ARHGAP39: variants seen among roughly 807,000 people sequenced by gnomAD.
The protein encoded by ARHGAP39 is Rho GTPase activating protein 39, also known as rho GTPase-activating protein 39.
ARHGAP39 carries 44 observed loss-of-function variants against 106.9 expected under a neutral mutation model. The ratio of observed to expected loss-of-function variants is 0.41; its 90% CI spans 0.32 to 0.53. The LOEUF (loss-of-function observed/expected upper bound fraction) is 0.53, where lower values mean the gene tolerates loss of function less well. Among genes scored for constraint, ARHGAP39 ranks in the 20% least tolerant of loss-of-function variants. ARHGAP39 has a pLI of 0.21. For missense variants in ARHGAP39, 1,496 were observed against 1,577.3 expected, an observed-to-expected ratio of 0.95 and a Z score of 0.87; for synonymous variants, 768 against 693.2, an observed-to-expected ratio of 1.11 and a Z score of -1.69.
chr8:144,635,544 G>GA (rs1002795612), intron 1 of ARHGAP39, among the ~76,000 whole-genome samples: 8 of 152,190 alleles, frequency 5.3e-5, no homozygotes, highest in Admixed American at 4.6e-4. Flanking sequence ...AGTCACTCTT[G>GA]AAAATCAGTC....
At chr8:144,676,878 G>T (rs908417641) in intron 1 of ARHGAP39, among the ~76,000 whole-genome samples, 2 of 152,258 alleles carry the variant, frequency 1.3e-5, no homozygotes, top group African/African-American at 4.8e-5. Context: ...CCGAGGAGGC[G>T]CCGAGAGCAA....
intron 1 of ARHGAP39, among the ~76,000 whole-genome samples, chr8:144,685,019 G>A (rs1822541715): frequency 6.6e-6 from 1 of 152,170 alleles, no homozygotes; most frequent in African/African-American, 2.4e-5. Flanking sequence ...CACTCCGACG[G>A]CGCCCGGGAA....
the ARHGAP39 span, among the ~76,000 whole-genome samples, chr8:144,695,659 T>C: frequency 6.6e-6 from 1 of 152,092 alleles, no homozygotes; most frequent in South Asian, 2.1e-4. Flanking sequence ...TATACTTTGG[T>C]TTAGAAAGGG....
intron 3 of ARHGAP39, among the ~76,000 whole-genome samples, chr8:144,573,448 GC>G (rs1818655393): frequency 1.4e-5 from 2 of 147,462 alleles, no homozygotes; most frequent in South Asian, 4.4e-4. Flanking sequence ...ACACACCACG[GC>G]CTGTTGGGGG....
intron 1 of ARHGAP39, among the ~76,000 whole-genome samples, chr8:144,662,058 T>G (rs1161269183): frequency 1.3e-5 from 2 of 149,774 alleles, no homozygotes; most frequent in African/African-American, 4.9e-5. Context: ...TTATCTGCCT[T>G]GGACCACTCC....
intron 1 of ARHGAP39, among the ~76,000 whole-genome samples, chr8:144,658,061 T>A (rs1821739837): frequency 6.6e-6 from 1 of 152,200 alleles, no homozygotes; most frequent in African/African-American, 2.4e-5. Flanking sequence ...TGATTTAAAG[T>A]ACACAGGATG....
chr8:144,685,646 T>C (rs35393785), intron 1 of ARHGAP39, among the ~76,000 whole-genome samples, 40 bp downstream of exon 1: 148,499 of 148,500 alleles, frequency 1, 74,249 homozygotes, highest in Non-Finnish European at 1. Context: ...CGCCATCTTC[T>C]TGGCCCGCGC....
chr8:144,669,753 C>T (rs140926984), intron 1 of ARHGAP39, among the ~76,000 whole-genome samples: 1 of 152,102 alleles, frequency 6.6e-6, no homozygotes, highest in East Asian at 1.9e-4. Flanking sequence ...AAATGGTCAA[C>T]AAACACAAGA....
At chr8:144,594,626 G>A (rs897053998) in intron 2 of ARHGAP39, among the ~76,000 whole-genome samples, 22 of 151,878 alleles carry the variant, frequency 1.4e-4, no homozygotes, top group African/African-American at 4.4e-4. Flanking sequence ...CCCGGGAGGC[G>A]GATGTTGCGG....
At chr8:144,600,602 G>A (rs530079242) in intron 2 of ARHGAP39, among the ~76,000 whole-genome samples, 1 of 150,416 alleles carries the variant, frequency 6.6e-6, no homozygotes, top group Non-Finnish European at 1.5e-5. Flanking sequence ...GAGTGTGCGT[G>A]TTCGTGGAGG....
rs143822834 is a variant in ARHGAP39 at position 144,557,903 on chromosome 8, C to A, written c.513-2260G>T. Among the ~76,000 whole-genome samples, 469 of 152,270 alleles carry A rather than the reference C, an allele frequency of 3.1e-3. 2 individuals carry two copies. Among genetic ancestry groups the A allele is most frequent in the African/African-American group, 5.3e-3 (219 of 41,560 alleles). On this transcript the variant is annotated intron_variant, in intron 3 of 11. Coordinates refer to ENST00000377307, the MANE Select transcript of ARHGAP39 (RefSeq NM_025251.3). Reference sequence around the variant, plus strand: ...CAATGCAACTGGACAAGAAAAAAAACCACAAAAGATTCAAATATTTGAAAG... The same window carrying A: ...CAATGCAACTGGACAAGAAAAAAAAACACAAAAGATTCAAATATTTGAAAG...
intron 3 of ARHGAP39, among the ~76,000 whole-genome samples, chr8:144,559,545 G>A (rs1392900214): frequency 6.6e-6 from 1 of 152,090 alleles, no homozygotes; most frequent in Non-Finnish European, 1.5e-5. Context: ...CTGAGGACAG[G>A]GACTAAGTAA....
chr8:144,649,363 T>C (rs996481640), intron 1 of ARHGAP39, among the ~76,000 whole-genome samples: 7 of 151,892 alleles, frequency 4.6e-5, no homozygotes, highest in East Asian at 3.9e-4. Context: ...GGCAGGAGAA[T>C]GGCGTGAACC....
At chr8:144,607,495 G>A (rs944224269) in intron 1 of ARHGAP39, among the ~76,000 whole-genome samples, 2 of 152,232 alleles carry the variant, frequency 1.3e-5, no homozygotes. Context: ...CTGCCGAACC[G>A]TGGTGGGCAC....
chr8:144,671,123 C>T lies in ARHGAP39; in HGVS notation c.-82+14563G>A, dbSNP rs1293389134. Among the ~76,000 whole-genome samples the T allele has an allele frequency of 1.3e-5, 2 of 152,210 alleles. No homozygotes were observed. The highest frequency in any genetic ancestry group is 2.9e-5 in the Non-Finnish European group (2 of 68,036). On this transcript the variant is annotated intron_variant, in intron 1 of 11. Transcript: ENST00000377307. The surrounding 1 kb of genome is among the most constrained non-coding windows in gnomAD (Gnocchi z 4.5). The stretch of plus-strand genomic sequence containing the variant: ...TGCTAATTAATTCCAGTTTGTAAAT[C>T]CTAATGTCAGTTCTCTCTGTGGAAT...
intron 7 of ARHGAP39, 76 bp downstream of exon 7, chr8:144,537,645 A>T: frequency 5.0e-6 from 6 of 1,202,800 alleles, no homozygotes; most frequent in Non-Finnish European, 7.2e-6. Flanking sequence ...GTTAGAGAAG[A>T]GAAGGCCAGG....
At chr8:144,567,638 C>T (rs568999177) in intron 3 of ARHGAP39, among the ~76,000 whole-genome samples, 2 of 152,204 alleles carry the variant, frequency 1.3e-5, no homozygotes, top group Non-Finnish European at 2.9e-5. Flanking sequence ...TCCTAGTCCA[C>T]CTTCATGTTC....
intron 4 of ARHGAP39, 52 bp downstream of exon 4, chr8:144,555,508 T>G: frequency 6.6e-7 from 1 of 1,514,908 alleles, no homozygotes; most frequent in East Asian, 2.3e-5. Flanking sequence ...CCTGGCTCAC[T>G]GAGGAAGCCG....
At chr8:144,550,221 G>C (rs1228110110) in intron 4 of ARHGAP39, among the ~76,000 whole-genome samples, 6 of 152,166 alleles carry the variant, frequency 3.9e-5, no homozygotes, top group Admixed American at 3.9e-4. Flanking sequence ...GCTGCAGTGA[G>C]CCATGATCGC....
Sources: allele counts gnomAD v4.1 joint callset (sites outside exome capture counted in the v4.1 genomes callset), GRCh38; gene constraint gnomAD v4.1.1; non-coding constraint Gnocchi (gnomAD v3.1); transcripts MANE v1.5; gene names NCBI Gene and HGNC (gene_info 2026-07-23, HGNC 2026-07-21).